Variants in PRX observed in about 807,000 individuals in gnomAD.
PRX encodes the protein periaxin.
PRX carries 24 observed loss-of-function variants against 29.6 expected under a neutral mutation model. That is an observed-to-expected ratio of 0.81 (90% CI 0.59 to 1.14). The LOEUF is 1.14. PRX is among the 50% of genes most tolerant of loss of function. PRX has a pLI of 0.00. For missense variants in PRX, 1,838 were observed against 1,926.4 expected, an observed-to-expected ratio of 0.95 and a Z score of 0.86; for synonymous variants, 772 against 831.7, an observed-to-expected ratio of 0.93 and a Z score of 1.24.
At position 40,397,885 on chromosome 19, in the gene PRX, A is replaced by C. The variant is rs745333170; in HGVS notation, c.467T>G (p.Val156Gly). Residue 156 changes from valine to glycine, a missense_variant, in exon 7 of 7, where the codon GTC (valine) becomes GGC (glycine). Val to Gly is a moderately radical substitution (Grantham distance 109, BLOSUM62 -3). Coordinates refer to ENST00000324001, the MANE Select transcript of PRX (RefSeq NM_181882.3). ...GGAGAACTTGGGAAAGGAGAACTCG[A>C]CGTCAACAGGGGCCAGGTCAGCGGG... ...GVPADLAPVD[V>G]EFSFPKFSRL... 1.2e-6 allele frequency: 2 copies of C among 1,611,458 alleles called. No homozygotes were observed. Among genetic ancestry groups the C allele is most frequent in the Non-Finnish European group, 1.7e-6 (2 of 1,178,926 alleles).
intron 1 of PRX, among the ~76,000 whole-genome samples, chr19:40,409,531 G>A (rs958962997): frequency 6.6e-6 from 1 of 151,328 alleles, no homozygotes; most frequent in Non-Finnish European, 1.5e-5. Context: ...GGAGTGAAGT[G>A]GTGCGAATTC....
intron 1 of PRX, among the ~76,000 whole-genome samples, chr19:40,412,053 A>G (rs1339012311): frequency 6.6e-6 from 1 of 152,228 alleles, no homozygotes; most frequent in East Asian, 1.9e-4. Flanking sequence ...GCTGGGAGCG[A>G]GGGGTTGTCA....
At position 40,398,791 on chromosome 19, in the gene PRX, C is replaced by T. The variant is rs2079467306; in HGVS notation, c.210G>A (p.Val70=). 6.2e-7 allele frequency: 1 copy of T among 1,613,970 alleles called. No individual in the cohort carries two copies. The highest frequency in any genetic ancestry group is 1.3e-5 in the African/African-American group (1 of 74,934). ...CCTCGTACTTGAAGTTCTCGAAGAACACTCGGGCACTCAGCAGCTGGTCCC... is the reference window on the plus strand; with the variant it reads ...CCTCGTACTTGAAGTTCTCGAAGAATACTCGGGCACTCAGCAGCTGGTCCC... ...QEGDQLLSAR[V]FFENFKYEDA... The change falls in exon 6 of 7, where the codon GTG becomes GTA. Residue 70 remains valine, a synonymous_variant. Coordinates refer to ENST00000324001, the MANE Select transcript of PRX (RefSeq NM_181882.3). The surrounding 1 kb of genome is among the most constrained non-coding windows in gnomAD (Gnocchi z 6.3).
chr19:40,400,390 C>T (rs1213551616), intron 5 of PRX, among the ~76,000 whole-genome samples: 2 of 145,232 alleles, frequency 1.4e-5, no homozygotes, highest in African/African-American at 2.5e-5. Flanking sequence ...GTCGGGAGTT[C>T]GAGACCAGCC....
Position 40,397,933 on chromosome 19 carries a change from ATCT to A in PRX, c.416_418del (p.Lys139del), listed in dbSNP as rs778666575. On this transcript the variant is annotated inframe_deletion, in exon 7 of 7. Coordinates refer to ENST00000324001, the MANE Select transcript of PRX (RefSeq NM_181882.3). Reference sequence around the variant, plus strand: ...GGGGACCCCCAGAGCCCCAGGCACCATCTTCTTCTTCTTCACAGGGGACAGACT... The same window carrying A: ...GGGGACCCCCAGAGCCCCAGGCACCATCTTCTTCTTCACAGGGGACAGACT... 3.5e-5 allele frequency: 56 copies of A among 1,612,546 alleles called. No individual in the cohort carries two copies. The highest frequency in any genetic ancestry group is 2.5e-4 in the East Asian group (11 of 44,864).
In PRX at chr19:40,395,587, T is replaced by C; in HGVS notation, c.2765A>G (p.Glu922Gly). ...CTTGGAAGAGGGCTTGACTTTTGTC[T>C]CTATCATCTCCAGCCGCCCTTCCTC... ...EIEEGRLEMI[E>G]TKVKPSSKFS... Residue 922 changes from glutamate to glycine, a missense_variant, in exon 7 of 7, where the codon GAG (glutamate) becomes GGG (glycine). By Grantham distance (98) the Glu-to-Gly change is moderately conservative (BLOSUM62 -2). Coordinates refer to ENST00000324001, the MANE Select transcript of PRX (RefSeq NM_181882.3). The C allele has an allele frequency of 6.2e-7, 1 of 1,614,180 alleles. No homozygotes were observed. The highest frequency in any genetic ancestry group is 1.3e-5 in the African/African-American group (1 of 75,044).
chr19:40,414,353 G>A (rs1599669542), upstream of PRX, among the ~76,000 whole-genome samples: 1 of 152,232 alleles, frequency 6.6e-6, no homozygotes, highest in East Asian at 1.9e-4. Context: ...CGAACTCCTG[G>A]GCTCAAGCGA....
At position 40,395,477 on chromosome 19, in the gene PRX, C is replaced by T. The variant is rs1035734860; in HGVS notation, c.2875G>A (p.Val959Ile). The T allele has an allele frequency of 6.2e-7, 1 of 1,613,960 alleles. No homozygotes were observed. The highest frequency in any genetic ancestry group is 8.5e-7 in the Non-Finnish European group (1 of 1,179,982). The change falls in exon 7 of 7, where the codon GTA (valine) becomes ATA (isoleucine). Residue 959 changes from valine (V) to isoleucine (I), a missense_variant. Physicochemically the swap from Val to Ile is conservative, Grantham distance 29. Around this residue, in one of 3 missense-constraint regions of PRX, gnomAD observed 1,143 missense variants for 1,193.0 expected, o/e 0.96. Coordinates refer to ENST00000324001, the MANE Select transcript of PRX (RefSeq NM_181882.3). ...GGGAGTGAGATGGCAAATTTGGATA[C>T]CTTCAGCTTGGTAGCTCGCCCAGCC... Reference protein sequence around the residue: ...EGAGRATKLKVSKFAISLPKA... With the variant: ...EGAGRATKLKISKFAISLPKA...
Position 40,394,120 on chromosome 19 carries a change from C to A in PRX, c.4232G>T (p.Arg1411Leu), listed in dbSNP as rs1005254872. The change falls in exon 7 of 7, where the codon CGC becomes CTC. Residue 1411 changes from arginine to leucine, a missense_variant. Arg to Leu is a moderately radical substitution (Grantham distance 102, BLOSUM62 -2). Transcript: ENST00000324001. The surrounding 1 kb of genome is among the most constrained non-coding windows in gnomAD (Gnocchi z 5.8). Reference sequence around the variant, plus strand: ...GGGGCTTAGGGACACCCTGGGGAAGCGGAACTTGGGTGACTTCTCTCTGAC... The same window carrying A: ...GGGGCTTAGGGACACCCTGGGGAAGAGGAACTTGGGTGACTTCTCTCTGAC... The part of the protein sequence containing the change: ...SPVREKSPKF[R>L]FPRVSLSPKA... 1.1e-5 allele frequency: 18 copies of A among 1,604,956 alleles called. No individual in the cohort carries two copies. Among genetic ancestry groups the A allele is most frequent in the Non-Finnish European group, 1.4e-5 (16 of 1,173,742 alleles).
At chr19:40,407,217 T>TGG (rs2079535713) in intron 4 of PRX, among the ~76,000 whole-genome samples, 1 of 93,710 alleles carries the variant, frequency 1.1e-5, no homozygotes. Flanking sequence ...TGCCCTTGTG[T>TGG]GTGTGTGTGT....
Position 40,397,309 on chromosome 19 carries a change from C to T in PRX, c.1043G>A (p.Gly348Glu). 2 of 1,613,284 alleles carry T rather than the reference C, an allele frequency of 1.2e-6. No individual in the cohort carries two copies. The highest frequency in any genetic ancestry group is 1.7e-6 in the Non-Finnish European group (2 of 1,179,970). ...ALPGAEVEAR[G>E]EAPEVALKMP... ...CTTCAGGGCCACCTCAGGTGCCTCT[C>T]CCCGGGCCTCCACCTCTGCACCCGG... Residue 348 changes from glycine (G) to glutamate (E), a missense_variant, in exon 7 of 7, where the codon GGA (glycine) becomes GAA (glutamate). Coordinates refer to ENST00000324001, the MANE Select transcript of PRX (RefSeq NM_181882.3).
In PRX at chr19:40,396,971, G is replaced by C; in HGVS notation, c.1381C>G (p.Pro461Ala). 6.2e-7 allele frequency: 1 copy of C among 1,614,172 alleles called. No homozygotes were observed. The highest frequency in any genetic ancestry group is 8.5e-7 in the Non-Finnish European group (1 of 1,180,028). Residue 461 changes from proline to alanine, a missense_variant, in exon 7 of 7, where the codon CCA becomes GCA. This residue lies in a region of PRX where 666 missense variants were observed against 665.0 expected (regional missense o/e 1.00). Transcript: ENST00000324001. ...TCCACCTCTGGGAGTCGAACCTCTG[G>C]AAGGGCTGCCTCGGGCACTTTTGGA... Reference protein sequence around the residue: ...KLPKVPEAALPEVRLPEVELP... With the variant: ...KLPKVPEAALAEVRLPEVELP...
Position 40,397,602 on chromosome 19 carries a change from C to A in PRX, c.750G>T (p.Gln250His). The A allele has an allele frequency of 1.9e-6, 3 of 1,541,432 alleles. No individual in the cohort carries two copies. Among genetic ancestry groups the A allele is most frequent in the African/African-American group, 1.4e-5 (1 of 73,384 alleles). Residue 250 changes from glutamine (Q) to histidine (H), a missense_variant, in exon 7 of 7, where the codon CAG (glutamine) becomes CAT (histidine). Coordinates refer to ENST00000324001, the MANE Select transcript of PRX (RefSeq NM_181882.3). ...RLPGAEVGVP[Q>H]VSAPKAAPSA... ...AGGGGGCAGCCTTGGGGGCTGAGAC[C>A]TGGGGGACACCCACCTCCGCCCCTG...
rs142535919 is a variant in PRX at position 40,403,821 on chromosome 19, C to T, written c.69G>A (p.Thr23=). Residue 23 remains threonine, a synonymous_variant, in exon 5 of 7, where the codon ACG becomes ACA. Coordinates refer to ENST00000324001, the MANE Select transcript of PRX (RefSeq NM_181882.3). ...RAELVEIIVE[T]EAQTGVSGIN... ...TGCCGCTGACCCCGGTCTGCGCCTC[C>T]GTCTCCACGATAATTTCCACCAACT... The T allele has an allele frequency of 1.3e-5, 21 of 1,608,246 alleles. No individual in the cohort carries two copies. In the African/African-American group the frequency reaches 2.3e-4, roughly 17 times the overall value.
chr19:40,404,810 G>C (rs1207913387), intron 4 of PRX, among the ~76,000 whole-genome samples: 1 of 152,072 alleles, frequency 6.6e-6, no homozygotes, highest in African/African-American at 2.4e-5. Context: ...CTGGCCTCAA[G>C]AGATCCTCCT....
chr19:40,409,835 C>T (rs1433587614), intron 1 of PRX, among the ~76,000 whole-genome samples: 1 of 152,152 alleles, frequency 6.6e-6, no homozygotes, highest in Non-Finnish European at 1.5e-5. Flanking sequence ...CCACATGCTC[C>T]ACTGCACATG....
chr19:40,406,017 C>T (rs751417206), intron 4 of PRX, among the ~76,000 whole-genome samples: 9 of 150,866 alleles, frequency 6.0e-5, no homozygotes, highest in Admixed American at 1.3e-4. Flanking sequence ...GAGGCCAAGG[C>T]GGGAGGATCA....
At position 40,397,827 on chromosome 19, in the gene PRX, G is replaced by GGCGGGC; in HGVS notation, c.524_525insGCCCGC (p.Val175_Lys176insProAla). 6.3e-7 allele frequency: 1 copy of GGCGGGC among 1,593,422 alleles called. No individual in the cohort carries two copies. On this transcript the variant is annotated inframe_insertion, in exon 7 of 7. Transcript: ENST00000324001. ...CAGGGGCAGCCGGGACAGGACCCTTGACAGCCTCGGCTTTGAGGCCCCGAC... is the reference window on the plus strand; with the variant it reads ...CAGGGGCAGCCGGGACAGGACCCTTGGCGGGCACAGCCTCGGCTTTGAGGCCCCGAC...
rs1463457934 is a variant in PRX at position 40,394,292 on chromosome 19, C to G, written c.4060G>C (p.Glu1354Gln). Residue 1354 changes from glutamate (E) to glutamine (Q), a missense_variant, in exon 7 of 7, where the codon GAG (glutamate) becomes CAG (glutamine). Around this residue, in one of 3 missense-constraint regions of PRX, gnomAD observed 1,143 missense variants for 1,193.0 expected, o/e 0.96. Transcript: ENST00000324001. The surrounding 1 kb of genome is among the most constrained non-coding windows in gnomAD (Gnocchi z 5.8). The part of the protein sequence containing the change: ...VTGEGSPSPE[E>Q]EEEEEEEGSG... ...CCCTCTTCCTCCTCCTCCTCCTCCT[C>G]CTCGGGGCTGGGGGACCCTTCCCCA... 4 of 1,612,256 alleles carry G rather than the reference C, an allele frequency of 2.5e-6. No homozygotes were observed. Among genetic ancestry groups the G allele is most frequent in the Non-Finnish European group, 3.4e-6 (4 of 1,179,106 alleles).
Sources: allele counts gnomAD v4.1 joint callset (sites outside exome capture counted in the v4.1 genomes callset), GRCh38; gene constraint gnomAD v4.1.1; regional missense constraint gnomAD v4.1.1; non-coding constraint Gnocchi (gnomAD v3.1); transcripts MANE v1.5; gene names NCBI Gene and HGNC (gene_info 2026-07-23, HGNC 2026-07-21).